Variants in GABRG2 observed in about 807,000 individuals in gnomAD.
GABRG2 encodes gamma-aminobutyric acid receptor subunit gamma-2.
Under a neutral mutation model 56.4 loss-of-function variants are expected in GABRG2, and 16 were observed. The observed-to-expected ratio is 0.28, with a 90% confidence interval of 0.19 to 0.43. The LOEUF (loss-of-function observed/expected upper bound fraction) is 0.43, where lower values mean the gene tolerates loss of function less well. Among genes scored for constraint, GABRG2 ranks in the 20% least tolerant of loss-of-function variants. The probability of loss-of-function intolerance (pLI) is 1.00; values close to 1 mark genes in which losing one functional copy is unlikely to be tolerated. For missense variants in GABRG2, 327 were observed against 582.7 expected (o/e 0.56, Z 4.52); for synonymous variants, 208 against 205.5 (o/e 1.01, Z -0.10).
At chr5:162,134,715 G>T (rs963459768) in intron 6 of GABRG2, among the ~76,000 whole-genome samples, 12 of 152,094 alleles carry the variant, frequency 7.9e-5, no homozygotes, top group Non-Finnish European at 1.8e-4. Context: ...ATGCTTAGGG[G>T]TTGGCTGCTG....
chr5:162,070,680 A>G (rs929518650), intron 1 of GABRG2, among the ~76,000 whole-genome samples: 58 of 152,174 alleles, frequency 3.8e-4, no homozygotes, highest in Non-Finnish European at 7.1e-4. Flanking sequence ...TTAATAACTA[A>G]TATCTCTTCT....
intron 5 of GABRG2, 145 bp downstream of exon 5, chr5:162,101,462 A>G: frequency 4.2e-6 from 3 of 710,148 alleles, no homozygotes; most frequent in South Asian, 3.0e-5. Flanking sequence ...CATCTCTTTC[A>G]TCTTAATCCC....
At chr5:162,078,368 A>AATATATATATATATATATAT in intron 1 of GABRG2, among the ~76,000 whole-genome samples, 1 of 63,988 alleles carries the variant, frequency 1.6e-5, no homozygotes, top group African/African-American at 6.3e-5. Flanking sequence ...AGAGCATCTT[A>AATATATATATATATATATAT]CTATATATAT....
At chr5:162,136,238 G>C (rs1481851973) in intron 6 of GABRG2, among the ~76,000 whole-genome samples, 2 of 152,088 alleles carry the variant, frequency 1.3e-5, no homozygotes, top group Non-Finnish European at 2.9e-5. Flanking sequence ...GAACAAATAT[G>C]TACTCTAGAA....
chr5:162,106,705 C>T (rs576379282), intron 6 of GABRG2, among the ~76,000 whole-genome samples: 18 of 152,158 alleles, frequency 1.2e-4, no homozygotes, highest in African/African-American at 2.6e-4. Context: ...TGCCAAATTG[C>T]CACATAGCTT....
At chr5:162,094,005 C>A (rs1478253550) in intron 2 of GABRG2, 26 bp downstream of exon 2, 3 of 1,611,236 alleles carry the variant, frequency 1.9e-6, no homozygotes, top group Non-Finnish European at 2.5e-6. Flanking sequence ...TTGCGTTGTG[C>A]TATAGATAGG....
chr5:162,150,290 T>G lies in GABRG2; in HGVS notation c.1128+977T>G, dbSNP rs866008139. ...AAAATATTACATAGTACTCTACACA[T>G]GAATGTACTTAACATTAGTAGTTGG... On this transcript the variant is annotated intron_variant, in intron 8 of 9. Transcript: ENST00000639213. The G allele has an allele frequency of 3.3e-5, 5 of 152,324 alleles. No homozygotes were observed. The Middle Eastern group carries it at 0.01, about 311-fold the overall frequency. The allele number at this position is 152,324 out of a possible 1,614,324, so 9.4% of individuals were successfully genotyped here.
intron 1 of GABRG2, among the ~76,000 whole-genome samples, chr5:162,075,469 A>G (rs1759021372): frequency 6.6e-6 from 1 of 152,008 alleles, no homozygotes; most frequent in Non-Finnish European, 1.5e-5. Flanking sequence ...GCCTTTAGTA[A>G]TTAATCAGAA....
intron 6 of GABRG2, among the ~76,000 whole-genome samples, chr5:162,117,049 A>G (rs899341509): frequency 1.3e-5 from 2 of 152,214 alleles, no homozygotes; most frequent in African/African-American, 2.4e-5. Context: ...ATCCTCTCAA[A>G]AAGAGATTGT....
chr5:162,126,922 A>G (rs1763377918), intron 6 of GABRG2, among the ~76,000 whole-genome samples: 1 of 152,004 alleles, frequency 6.6e-6, no homozygotes, highest in Non-Finnish European at 1.5e-5. Flanking sequence ...CAGATGATCA[A>G]CAAACTCTGG....
chr5:162,149,048 A>G, intron 7 of GABRG2, 60 bp from the exon 8 acceptor site: 2 of 1,481,752 alleles, frequency 1.3e-6, no homozygotes, highest in Admixed American at 1.7e-5. Context: ...CTCACGAGTG[A>G]CTCAGTTACC....
At chr5:162,135,306 T>C (rs1207748180) in intron 6 of GABRG2, among the ~76,000 whole-genome samples, 1 of 152,174 alleles carries the variant, frequency 6.6e-6, no homozygotes, top group Non-Finnish European at 1.5e-5. Flanking sequence ...GCAAAAATTT[T>C]TCCAGAAGCA....
intron 6 of GABRG2, among the ~76,000 whole-genome samples, chr5:162,112,409 AT>A (rs3839308): frequency 0.59 from 89,178 of 151,278 alleles, 26,473 homozygotes; most frequent in African/African-American, 0.65. Flanking sequence ...TTTGAAAGAC[AT>A]TTTTTTTTTG....
chr5:162,116,789 A>T (rs186464010), intron 6 of GABRG2, among the ~76,000 whole-genome samples: 6 of 150,674 alleles, frequency 4.0e-5, no homozygotes, highest in African/African-American at 1.5e-4. Flanking sequence ...TGGGGCAGGC[A>T]ATACTCTGTG....
At chr5:162,091,487 AT>A (rs1004303159) in intron 1 of GABRG2, among the ~76,000 whole-genome samples, 5 of 152,138 alleles carry the variant, frequency 3.3e-5, no homozygotes, top group African/African-American at 1.2e-4. Context: ...TTTGAGACTT[AT>A]CAGGGTTAAA....
At position 162,067,898 on chromosome 5, in the gene GABRG2, G is replaced by C. The variant is rs1220605405; in HGVS notation, c.-102G>C. 3.7e-6 allele frequency: 3 copies of C among 812,270 alleles called. No homozygotes were observed. The highest frequency in any genetic ancestry group is 6.3e-6 in the Non-Finnish European group (3 of 473,456). 50.3% of individuals were successfully genotyped at this position (812,270 alleles called of 1,614,324 possible). ...GTGAAGGACCTACTAGAGGCAGGTGGGGGGAGCCACCATCAGATCATAAGC... is the reference window on the plus strand; with the variant it reads ...GTGAAGGACCTACTAGAGGCAGGTGCGGGGAGCCACCATCAGATCATAAGC... On this transcript the variant is annotated 5_prime_UTR_variant, in exon 1 of 10. Transcript: ENST00000639213.
intron 8 of GABRG2, chr5:162,149,745 C>G (rs1765232629): frequency 9.0e-6 from 4 of 445,940 alleles, no homozygotes; most frequent in African/African-American, 4.0e-5. Context: ...CCCTGAGTAG[C>G]TGGGACTATA....
At chr5:162,071,572 T>G (rs1034469411) in intron 1 of GABRG2, among the ~76,000 whole-genome samples, 23 of 152,114 alleles carry the variant, frequency 1.5e-4, no homozygotes, top group African/African-American at 5.1e-4. Context: ...ATGCTTTTGA[T>G]GATGTTTCTT....
chr5:162,119,317 A>G (rs1451636923), intron 6 of GABRG2, among the ~76,000 whole-genome samples: 1 of 152,126 alleles, frequency 6.6e-6, no homozygotes, highest in African/African-American at 2.4e-5. Flanking sequence ...ACCTATTTTC[A>G]ACTTTCCAAA....
Sources: allele counts gnomAD v4.1 joint callset (sites outside exome capture counted in the v4.1 genomes callset), GRCh38; gene constraint gnomAD v4.1.1; transcripts MANE v1.5; gene names NCBI Gene and HGNC (gene_info 2026-07-23, HGNC 2026-07-21).